Variants in NDST4 observed in about 807,000 individuals in gnomAD.
NDST4 encodes the protein N-heparan sulfate sulfotransferase 4.
NDST4 carries 63 observed loss-of-function variants against 100.8 expected under a neutral mutation model. The ratio of observed to expected loss-of-function variants is 0.62; its 90% CI spans 0.51 to 0.77. The LOEUF (loss-of-function observed/expected upper bound fraction) is 0.77, where lower values mean the gene tolerates loss of function less well. NDST4 is among the 30% of genes least tolerant of loss of function. The probability of loss-of-function intolerance (pLI) is 0.00; values close to 1 mark genes in which losing one functional copy is unlikely to be tolerated. For missense variants in NDST4, 943 were observed against 1,018.4 expected (o/e 0.93, Z 1.01); for synonymous variants, 377 against 361.8 (o/e 1.04, Z -0.48).
intron 2 of NDST4, among the ~76,000 whole-genome samples, chr4:115,025,819 G>A (rs535530872): frequency 6.6e-6 from 1 of 152,054 alleles, no homozygotes; most frequent in South Asian, 2.1e-4. Flanking sequence ...TTTTTCCAAG[G>A]TACATATCTA....
chr4:114,971,069 T>C (rs1339445417), intron 3 of NDST4, among the ~76,000 whole-genome samples: 2 of 151,864 alleles, frequency 1.3e-5, no homozygotes, highest in African/African-American at 4.9e-5. Flanking sequence ...ACAAAAAACC[T>C]GTAAGACCAT....
intron 2 of NDST4, among the ~76,000 whole-genome samples, chr4:114,990,744 G>A (rs970361745): frequency 7.9e-5 from 12 of 152,068 alleles, no homozygotes; most frequent in Admixed American, 5.9e-4. Context: ...GACAATTTCT[G>A]TGGTAACATT....
intron 1 of NDST4, among the ~76,000 whole-genome samples, chr4:115,091,175 A>G (rs1729511675): frequency 6.6e-6 from 1 of 152,102 alleles, no homozygotes; most frequent in African/African-American, 2.4e-5. Flanking sequence ...TTTCAAATTA[A>G]CATTTGTCCA....
chr4:114,833,543 C>G, intron 12 of NDST4, 63 bp downstream of exon 12: 1 of 1,040,068 alleles, frequency 9.6e-7, no homozygotes, highest in Non-Finnish European at 1.5e-6. Flanking sequence ...ATATACACAC[C>G]TACCAGTGAT....
At chr4:114,903,184 G>A (rs113402960) in intron 6 of NDST4, among the ~76,000 whole-genome samples, 9 of 152,054 alleles carry the variant, frequency 5.9e-5, no homozygotes, top group Non-Finnish European at 1.2e-4. Context: ...CTGGATAAAA[G>A]GAACTACTGT....
intron 6 of NDST4, among the ~76,000 whole-genome samples, chr4:114,917,474 C>CATAATG (rs1365314775): frequency 1.3e-5 from 2 of 152,038 alleles, no homozygotes; most frequent in Non-Finnish European, 2.9e-5. Flanking sequence ...AGAGAGACAG[C>CATAATG]ATAATGTACT....
intron 2 of NDST4, among the ~76,000 whole-genome samples, chr4:114,995,068 TTC>T (rs1727130476): frequency 6.6e-6 from 1 of 152,082 alleles, no homozygotes; most frequent in Non-Finnish European, 1.5e-5. Context: ...AACTGGCTAA[TTC>T]TCACAACTTT....
intron 1 of NDST4, among the ~76,000 whole-genome samples, chr4:115,085,181 G>A (rs1166697098): frequency 6.6e-5 from 10 of 152,298 alleles, no homozygotes; most frequent in Non-Finnish European, 1.0e-4. Flanking sequence ...TCAGAATTTC[G>A]TGGGGCCTGT....
chr4:114,840,647 C>A (rs932977713), intron 10 of NDST4, among the ~76,000 whole-genome samples: 1 of 152,048 alleles, frequency 6.6e-6, no homozygotes, highest in South Asian at 2.1e-4. Flanking sequence ...AAGAGGACTT[C>A]GTCATCTAAG....
chr4:114,985,160 C>G (rs1213678307), intron 2 of NDST4, among the ~76,000 whole-genome samples: 5 of 152,138 alleles, frequency 3.3e-5, no homozygotes, highest in Non-Finnish European at 2.9e-5. Flanking sequence ...CTGTAGGGAT[C>G]CTACTTCTGA....
chr4:114,860,221 C>T (rs1036427177), intron 7 of NDST4, among the ~76,000 whole-genome samples: 3 of 152,166 alleles, frequency 2.0e-5, no homozygotes, highest in African/African-American at 4.8e-5. Flanking sequence ...TTTGTTTTAA[C>T]TGGTATCTCC....
intron 6 of NDST4, among the ~76,000 whole-genome samples, chr4:114,878,328 C>T (rs1561728): frequency 0.27 from 40,469 of 151,980 alleles, 8,057 homozygotes; most frequent in African/African-American, 0.56. Flanking sequence ...TTTAACATCC[C>T]ATACCCTTGA....
intron 6 of NDST4, among the ~76,000 whole-genome samples, chr4:114,872,939 C>G (rs1338928878): frequency 6.6e-6 from 1 of 151,432 alleles, no homozygotes; most frequent in Non-Finnish European, 1.5e-5. Flanking sequence ...CCCTTTTCAA[C>G]AACAACAAAA....
chr4:114,986,758 T>A (rs1456850817), intron 2 of NDST4, among the ~76,000 whole-genome samples: 2 of 142,722 alleles, frequency 1.4e-5, no homozygotes, highest in Admixed American at 7.1e-5. Context: ...TTTTTGTTTA[T>A]AATTTAGTTC....
In NDST4 at chr4:114,906,332, T is replaced by A. The variant is rs371422628; in HGVS notation, c.1536+28874A>T. On this transcript the variant is annotated intron_variant, in intron 6 of 13. Coordinates refer to ENST00000264363, the MANE Select transcript of NDST4 (RefSeq NM_022569.3). ...ATGATAAAAGTCCCTTCTAGTTTTA[T>A]GTTTGCACTCTAATTTTTCTATCAT... Among the ~76,000 whole-genome samples the A allele has an allele frequency of 1.5e-4, 23 of 152,172 alleles. No homozygotes were observed. In the East Asian group the frequency reaches 3.9e-3, roughly 26 times the overall value.
At chr4:115,048,354 A>T (rs970635855) in intron 2 of NDST4, among the ~76,000 whole-genome samples, 5 of 152,174 alleles carry the variant, frequency 3.3e-5, no homozygotes, top group African/African-American at 1.2e-4. Context: ...TTGGTGCTGA[A>T]CTTCTTTTTC....
At chr4:114,912,361 T>A (rs575094134) in intron 6 of NDST4, among the ~76,000 whole-genome samples, 14 of 152,170 alleles carry the variant, frequency 9.2e-5, no homozygotes, top group Non-Finnish European at 1.6e-4. Flanking sequence ...TCTACTCAAA[T>A]CCTCAAGTGG....
At chr4:115,021,215 TATATATATTCCAC>T (rs1727806519) in intron 2 of NDST4, among the ~76,000 whole-genome samples, 2 of 123,108 alleles carry the variant, frequency 1.6e-5, no homozygotes, top group African/African-American at 9.8e-5. Context: ...ATTCCATATA[TATATATATTCCAC>T]ATATATATAT....
chr4:114,883,557 G>A (rs1724417115), intron 6 of NDST4, among the ~76,000 whole-genome samples: 1 of 152,020 alleles, frequency 6.6e-6, no homozygotes. Context: ...AATGCAAAAA[G>A]TAGAAAACAG....
Sources: gnomAD v4.1 joint callset for allele counts (sites outside exome capture counted in the v4.1 genomes callset) on GRCh38, gnomAD v4.1.1 for gene constraint, MANE v1.5 for transcripts, NCBI Gene and HGNC (gene_info 2026-07-23, HGNC 2026-07-21) for gene names.